Variants in CSGALNACT1 observed in about 807,000 individuals in gnomAD.
The protein encoded by CSGALNACT1 is beta4GalNAcT-1.
CSGALNACT1 carries 52 observed loss-of-function variants against 51.0 expected under a neutral mutation model. The observed-to-expected ratio is 1.02, with a 90% CI of 0.82 to 1.29. The LOEUF (loss-of-function observed/expected upper bound fraction) is 1.29. Ranked by LOEUF, CSGALNACT1 falls within the 50% of genes most tolerant of loss-of-function variation. The pLI is 0.00. For missense variants in CSGALNACT1, 935 were observed against 679.2 expected, an observed-to-expected ratio of 1.38 and a Z score of -4.19; for synonymous variants, 341 against 254.4, an observed-to-expected ratio of 1.34 and a Z score of -3.24.
intron 8 of CSGALNACT1, among the ~76,000 whole-genome samples, chr8:19,410,919 C>T (rs774458866): frequency 2.0e-5 from 3 of 152,206 alleles, no homozygotes; most frequent in Non-Finnish European, 2.9e-5. Flanking sequence ...ACTGGAAGGA[C>T]GCGCTCAATA....
chr8:19,666,987 GAAAGAAAGAAAGAAAGAAAGAAAGA>G lies in CSGALNACT1; in HGVS notation c.-544+15461_-544+15485del, dbSNP rs2059350502. Among the ~76,000 whole-genome samples the G allele has an allele frequency of 5.7e-3, 142 of 24,812 alleles. 2 individuals are homozygous for G. The highest frequency in any genetic ancestry group is 0.011 in the Admixed American group (21 of 1,978). 16.3% of individuals were successfully genotyped at this position (24,812 alleles called of 152,430 possible). A position where few individuals can be genotyped will look rare whatever the true frequency, so the allele number is the denominator to read the frequency against. On this transcript the variant is annotated intron_variant, in intron 1 of 9. Transcript: ENST00000332246. ...AGAAAGAAAGAAAGAAAGAAAGAAA[GAAAGAAAGAAAGAAAGAAAGAAAGA>G]AAGAAAGGAAGGAAGGAAGGAAGGA...
intron 1 of CSGALNACT1, among the ~76,000 whole-genome samples, chr8:19,699,828 G>C (rs1253669913): frequency 1.3e-5 from 2 of 152,134 alleles, no homozygotes; most frequent in East Asian, 3.9e-4. Flanking sequence ...AAAGAACTTA[G>C]GGGCTGGGCA....
intron 1 of CSGALNACT1, among the ~76,000 whole-genome samples, chr8:19,723,877 T>C (rs1340218758): frequency 6.6e-6 from 1 of 152,214 alleles, no homozygotes; most frequent in Non-Finnish European, 1.5e-5. Context: ...CTCTGACCTA[T>C]AGTTCCCTGC....
At chr8:19,676,467 G>T (rs577991775) in intron 1 of CSGALNACT1, among the ~76,000 whole-genome samples, 1 of 152,168 alleles carries the variant, frequency 6.6e-6, no homozygotes, top group African/African-American at 2.4e-5. Context: ...CAGAATGGAG[G>T]TAACAGTCAA....
chr8:19,488,199 A>C (rs2073458957), intron 4 of CSGALNACT1, among the ~76,000 whole-genome samples: 1 of 151,536 alleles, frequency 6.6e-6, no homozygotes, highest in Non-Finnish European at 1.5e-5. Flanking sequence ...AAAATACAAA[A>C]ATTAGGCAGG....
At chr8:19,423,497 C>T (rs2058279614) in intron 6 of CSGALNACT1, among the ~76,000 whole-genome samples, 3 of 152,252 alleles carry the variant, frequency 2.0e-5, no homozygotes, top group Admixed American at 2.0e-4. Flanking sequence ...AATCCCCTAA[C>T]CCTGGCTTGA....
intron 4 of CSGALNACT1, among the ~76,000 whole-genome samples, chr8:19,497,272 A>G (rs2075658845): frequency 6.6e-6 from 1 of 152,204 alleles, no homozygotes; most frequent in African/African-American, 2.4e-5. Context: ...AGAGAAGTAC[A>G]GAGACCTTCT....
intron 4 of CSGALNACT1, among the ~76,000 whole-genome samples, chr8:19,501,967 G>A (rs1215536398): frequency 6.6e-6 from 1 of 152,176 alleles, no homozygotes; most frequent in Non-Finnish European, 1.5e-5. Context: ...TGGAACATCT[G>A]GGGAAAGGGA....
At chr8:19,430,417 G>A (rs1184712720) in intron 6 of CSGALNACT1, among the ~76,000 whole-genome samples, 2 of 152,066 alleles carry the variant, frequency 1.3e-5, no homozygotes, top group Non-Finnish European at 2.9e-5. Context: ...AACAACTTTC[G>A]TTCTCTGCAC....
intron 1 of CSGALNACT1, among the ~76,000 whole-genome samples, chr8:19,628,908 A>T (rs1003333714): frequency 2.6e-5 from 4 of 152,196 alleles, no homozygotes; most frequent in Non-Finnish European, 5.9e-5. Context: ...CAAACACAGC[A>T]TGCAAAGGCC....
upstream of CSGALNACT1, among the ~76,000 whole-genome samples, chr8:19,684,364 AAAT>A (rs1345550250): frequency 6.6e-6 from 1 of 152,204 alleles, no homozygotes; most frequent in Non-Finnish European, 1.5e-5. Context: ...AAGATTTGGA[AAAT>A]AACTATCTCT....
At chr8:19,532,557 C>A (rs1454429871) in intron 3 of CSGALNACT1, among the ~76,000 whole-genome samples, 2 of 152,186 alleles carry the variant, frequency 1.3e-5, no homozygotes, top group African/African-American at 4.8e-5. Context: ...TTTACTAAAC[C>A]ATGGCTTCAA....
At position 19,649,819 on chromosome 8, in the gene CSGALNACT1, C is replaced by A. The variant is rs1389467540; in HGVS notation, c.-544+32654G>T. On this transcript the variant is annotated intron_variant, in intron 1 of 9. Transcript: ENST00000332246. The stretch of plus-strand genomic sequence containing the variant: ...AAGAAATTAAATGCATTCCAAGTAG[C>A]AAAAAAAAAAAAAAAAAAAAAAAAA... Among the ~76,000 whole-genome samples, 162 of 29,378 alleles carry A rather than the reference C, an allele frequency of 5.5e-3. 7 individuals are homozygous for A. Among genetic ancestry groups the A allele is most frequent in the African/African-American group, 0.012 (96 of 7,840 alleles). 19.3% of individuals were successfully genotyped at this position (29,378 alleles called of 152,430 possible).
chr8:19,706,040 C>T (rs1223629370), intron 1 of CSGALNACT1, among the ~76,000 whole-genome samples: 1 of 152,008 alleles, frequency 6.6e-6, no homozygotes, highest in Non-Finnish European at 1.5e-5. Flanking sequence ...ACAAATAAAC[C>T]CAGACATGGA....
At chr8:19,692,096 A>C (rs111267892) in intron 1 of CSGALNACT1, among the ~76,000 whole-genome samples, 4 of 152,132 alleles carry the variant, frequency 2.6e-5, no homozygotes, top group African/African-American at 9.7e-5. Context: ...AAACCATCAG[A>C]TATCCTGAGA....
At chr8:19,584,868 C>G (rs965567099) in intron 3 of CSGALNACT1, among the ~76,000 whole-genome samples, 22 of 152,104 alleles carry the variant, frequency 1.4e-4, no homozygotes, top group African/African-American at 5.1e-4. Context: ...AGTAGATACT[C>G]TGAAGCAAGG....
At chr8:19,620,482 G>C (rs1052201785) in intron 1 of CSGALNACT1, among the ~76,000 whole-genome samples, 1 of 150,976 alleles carries the variant, frequency 6.6e-6, no homozygotes, top group Non-Finnish European at 1.5e-5. Flanking sequence ...AGGCTGGCTG[G>C]AGTACAGTGG....
intron 3 of CSGALNACT1, among the ~76,000 whole-genome samples, chr8:19,552,268 G>A (rs1452582512): frequency 6.6e-6 from 1 of 152,140 alleles, no homozygotes; most frequent in Non-Finnish European, 1.5e-5. Flanking sequence ...AACACAGTAA[G>A]AAAGTGGACT....
At chr8:19,514,946 C>G (rs1361239174) in intron 3 of CSGALNACT1, among the ~76,000 whole-genome samples, 2 of 151,932 alleles carry the variant, frequency 1.3e-5, no homozygotes, top group Non-Finnish European at 2.9e-5. Context: ...ATTGTCTCAC[C>G]CTGATGGACC....
Sources: gnomAD v4.1 joint callset for allele counts (sites outside exome capture counted in the v4.1 genomes callset) on GRCh38, gnomAD v4.1.1 for gene constraint, MANE v1.5 for transcripts, NCBI Gene and HGNC (gene_info 2026-07-23, HGNC 2026-07-21) for gene names.